The following KLHL32 variants were observed in gnomAD, a reference collection of about 807,000 sequenced individuals.
KLHL32 encodes kelch like family member 32.
A neutral mutation model predicts 64.8 loss-of-function variants in KLHL32; 35 were observed. The observed-to-expected ratio is 0.54, with a 90% CI of 0.41 to 0.72. The LOEUF is 0.72. Ranked by LOEUF, KLHL32 falls within the 30% of genes least tolerant of loss-of-function variation. KLHL32 has a pLI of 0.00. For synonymous variants in KLHL32, 259 were observed against 281.0 expected (o/e 0.92, Z 0.78); for missense variants, 589 against 768.5 (o/e 0.77, Z 2.76).
the KLHL32 span, among the ~76,000 whole-genome samples, chr6:96,917,324 A>G: frequency 6.6e-6 from 1 of 152,104 alleles, no homozygotes; most frequent in African/African-American, 2.4e-5. Context: ...TCTGCCTGAT[A>G]TCCTCACTGT....
intron 3 of KLHL32, among the ~76,000 whole-genome samples, chr6:96,983,388 G>T (rs539174872): frequency 1.8e-4 from 28 of 152,410 alleles, no homozygotes; most frequent in African/African-American, 6.7e-4. Flanking sequence ...GATGATGCTG[G>T]CCTCATAAAA....
intron 1 of KLHL32, among the ~76,000 whole-genome samples, chr6:96,934,670 G>C (rs1770359702): frequency 1.3e-5 from 2 of 152,358 alleles, no homozygotes; most frequent in South Asian, 4.1e-4. Context: ...GCAGAGAGCA[G>C]CTAATATCCT....
chr6:96,988,848 G>C (rs1396307457), intron 3 of KLHL32, among the ~76,000 whole-genome samples: 1 of 152,042 alleles, frequency 6.6e-6, no homozygotes, highest in Non-Finnish European at 1.5e-5. Context: ...GCAAACTGTT[G>C]CAAGGACAAA....
rs574460064 is a variant in KLHL32, at chr6:97,012,340, G to A, written c.205-29152G>A. Reference sequence around the variant, plus strand: ...AAGAGTCAGCAGAGTCACAGTCAGAGGAGTCAGGACAGAAGCAGAGGTTGG... The same window carrying A: ...AAGAGTCAGCAGAGTCACAGTCAGAAGAGTCAGGACAGAAGCAGAGGTTGG... On this transcript the variant is annotated intron_variant, in intron 3 of 10. Transcript: ENST00000369261. Among the ~76,000 whole-genome samples the A allele has an allele frequency of 2.0e-4, 30 of 152,282 alleles. No homozygotes were observed. In the East Asian group the frequency reaches 5.4e-3, roughly 27 times the overall value.
intron 1 of KLHL32, among the ~76,000 whole-genome samples, chr6:96,961,425 T>C (rs763421997): frequency 1.3e-4 from 20 of 152,340 alleles, no homozygotes; most frequent in Non-Finnish European, 1.2e-4. Context: ...TAACTTACCT[T>C]GTCTGGTCCT....
chr6:97,118,102 C>T (rs914740613), intron 7 of KLHL32, among the ~76,000 whole-genome samples: 1 of 152,102 alleles, frequency 6.6e-6, no homozygotes, highest in African/African-American at 2.4e-5. Context: ...AAGGAAAGGA[C>T]ATTTGTTAAG....
chr6:96,918,539 T>C, the KLHL32 span, among the ~76,000 whole-genome samples: 1 of 152,220 alleles, frequency 6.6e-6, no homozygotes, highest in Admixed American at 6.5e-5. Context: ...TTAATCTACA[T>C]TATACTACTG....
At chr6:97,112,408 T>C (rs1797256475) in intron 6 of KLHL32, among the ~76,000 whole-genome samples, 1 of 152,070 alleles carries the variant, frequency 6.6e-6, no homozygotes, top group Non-Finnish European at 1.5e-5. Context: ...ATTAAATTAC[T>C]TTAGGTGCTC....
chr6:97,089,236 G>T (rs1793864471), intron 6 of KLHL32, among the ~76,000 whole-genome samples: 1 of 152,184 alleles, frequency 6.6e-6, no homozygotes, highest in South Asian at 2.1e-4. Context: ...GCAGAAACAA[G>T]AAGGATATTT....
At chr6:97,128,937 T>C (rs1256265262) in intron 8 of KLHL32, among the ~76,000 whole-genome samples, 1 of 152,250 alleles carries the variant, frequency 6.6e-6, no homozygotes, top group Non-Finnish European at 1.5e-5. Flanking sequence ...ATGGGTTGTT[T>C]CATAGAAAAC....
intron 6 of KLHL32, among the ~76,000 whole-genome samples, chr6:97,109,274 A>G (rs1294940057): frequency 6.6e-6 from 1 of 152,238 alleles, no homozygotes; most frequent in Non-Finnish European, 1.5e-5. Context: ...AGTAGGGATG[A>G]CTTGTATAGT....
intron 5 of KLHL32, among the ~76,000 whole-genome samples, chr6:97,081,922 G>A (rs976645313): frequency 6.6e-6 from 1 of 152,174 alleles, no homozygotes; most frequent in Non-Finnish European, 1.5e-5. Flanking sequence ...GGGTGGATAG[G>A]GTTGCTGCAC....
At chr6:96,997,467 G>T (rs534389408) in intron 3 of KLHL32, among the ~76,000 whole-genome samples, 1 of 152,212 alleles carries the variant, frequency 6.6e-6, no homozygotes, top group East Asian at 1.9e-4. Context: ...CTTGAAGGTG[G>T]CCAGGCATGG....
chr6:97,095,777 G>T (rs1242669865), intron 6 of KLHL32, among the ~76,000 whole-genome samples: 1 of 152,212 alleles, frequency 6.6e-6, no homozygotes, highest in East Asian at 1.9e-4. Flanking sequence ...TGCAGCCCTT[G>T]AGAAAGTGTG....
chr6:96,950,010 A>G (rs1258911744), intron 1 of KLHL32, among the ~76,000 whole-genome samples: 1 of 152,148 alleles, frequency 6.6e-6, no homozygotes, highest in Non-Finnish European at 1.5e-5. Context: ...AAAGCAGGAC[A>G]ATGTAATATT....
chr6:97,085,515 C>T (rs1793277006), intron 6 of KLHL32, among the ~76,000 whole-genome samples, 174 bp downstream of exon 6: 1 of 152,224 alleles, frequency 6.6e-6, no homozygotes, highest in Admixed American at 6.5e-5. Context: ...CCTTGAGGCT[C>T]AGAGCCCTCA....
Position 96,924,922 on chromosome 6 carries a change from AC to A in KLHL32, c.-168del, listed in dbSNP as rs1252477666. On this transcript the variant is annotated 5_prime_UTR_variant, in exon 1 of 11. Transcript: ENST00000369261. ...AGCGAAGCTACTGCGGGTTCTGTTA[AC>A]CTCAGCATCGTGGGGCGAAGCAGAG... is the stretch of plus-strand genomic sequence containing the variant. 1 of 152,100 alleles carries A rather than the reference AC, an allele frequency of 6.6e-6. No homozygotes were observed. The highest frequency in any genetic ancestry group is 1.5e-5 in the Non-Finnish European group (1 of 68,044). 9.4% of individuals were successfully genotyped at this position (152,100 alleles called of 1,614,324 possible). A position where few individuals can be genotyped will look rare whatever the true frequency, so the allele number is the denominator to read the frequency against.
At chr6:97,107,210 G>T (rs1231221659) in intron 6 of KLHL32, among the ~76,000 whole-genome samples, 1 of 151,668 alleles carries the variant, frequency 6.6e-6, no homozygotes, top group African/African-American at 2.4e-5. Context: ...GGAGAATGGC[G>T]TGAATCCAGG....
intron 1 of KLHL32, among the ~76,000 whole-genome samples, chr6:96,932,208 T>TTA (rs1162191357): frequency 6.7e-6 from 1 of 150,028 alleles, no homozygotes; most frequent in Non-Finnish European, 1.5e-5. Context: ...CTGGGTTATT[T>TTA]TTTTTTTTTT....
Sources: allele counts gnomAD v4.1 joint callset (sites outside exome capture counted in the v4.1 genomes callset), GRCh38; gene constraint gnomAD v4.1.1; transcripts MANE v1.5; gene names NCBI Gene and HGNC (gene_info 2026-07-23, HGNC 2026-07-21).